STRN: variants seen among roughly 807,000 people sequenced by gnomAD.
STRN encodes protein phosphatase 2 regulatory subunit B'''alpha.
In STRN, 53 loss-of-function variants were observed where a neutral mutation model predicts 96.3. That is an observed-to-expected ratio of 0.55 (90% confidence interval 0.44 to 0.69). The LOEUF is 0.69. Ranked by LOEUF, STRN falls within the 30% of genes least tolerant of loss-of-function variation. STRN has a pLI of 0.00. For synonymous variants in STRN, 428 were observed against 355.9 expected, an observed-to-expected ratio of 1.20 and a Z score of -2.28; for missense variants, 987 against 963.9, an observed-to-expected ratio of 1.02 and a Z score of -0.32.
intron 1 of STRN, among the ~76,000 whole-genome samples, chr2:36,929,387 C>T (rs113476333): frequency 6.6e-6 from 1 of 150,988 alleles, no homozygotes; most frequent in Admixed American, 6.6e-5. Context: ...CCCCCCACCC[C>T]TTTTTTTTTC....
intron 16 of STRN, among the ~76,000 whole-genome samples, chr2:36,850,169 C>G (rs576173337): frequency 6.6e-6 from 1 of 152,162 alleles, no homozygotes; most frequent in East Asian, 1.9e-4. Flanking sequence ...AATTCAAATT[C>G]ACAGAGAGAA....
In STRN at chr2:36,966,418, G is replaced by C; in HGVS notation, c.46C>G (p.Pro16Ala). 6.8e-7 allele frequency: 1 copy of C among 1,463,822 alleles called. No individual in the cohort carries two copies. The highest frequency in any genetic ancestry group is 1.5e-5 in the African/African-American group (1 of 68,060). The allele number at this position is 1,463,822 out of a possible 1,614,324, so 90.7% of individuals were successfully genotyped here. A position where few individuals can be genotyped will look rare whatever the true frequency, so the allele number is the denominator to read the frequency against. ...AGCCCCTTGGCACCGCCGGCGCCCGGGTGGTTGTTGCTGAAGAAGACGCCG... is the reference window on the plus strand; with the variant it reads ...AGCCCCTTGGCACCGCCGGCGCCCGCGTGGTTGTTGCTGAAGAAGACGCCG... ...GPGVFFSNNH[P>A]GAGGAKGLGP... Residue 16 changes from proline to alanine, a missense_variant, in exon 1 of 18, where the codon CCG (proline) becomes GCG (alanine). Physicochemically the swap from Pro to Ala is conservative, Grantham distance 27. Coordinates refer to ENST00000263918, the MANE Select transcript of STRN (RefSeq NM_003162.4).
chr2:36,916,209 C>A, intron 2 of STRN, 58 bp from the exon 3 acceptor site: 1 of 1,394,732 alleles, frequency 7.2e-7, no homozygotes, highest in Non-Finnish European at 1.0e-6. Flanking sequence ...TTAACATACA[C>A]AATAGTAGTA....
At chr2:36,892,343 T>C (rs528104269) in intron 7 of STRN, among the ~76,000 whole-genome samples, 128 of 152,216 alleles carry the variant, frequency 8.4e-4, no homozygotes, top group African/African-American at 3.0e-3. Flanking sequence ...GGTGACAGTA[T>C]CATTTACACC....
At chr2:36,931,012 G>A (rs1670559771) in intron 1 of STRN, among the ~76,000 whole-genome samples, 1 of 151,184 alleles carries the variant, frequency 6.6e-6, no homozygotes, top group Non-Finnish European at 1.5e-5. Flanking sequence ...CAGCCTGAAT[G>A]ACAGAGCAAA....
At position 36,905,634 on chromosome 2, in the gene STRN, T is replaced by G; in HGVS notation, c.413-16A>C. On this transcript the variant is annotated splice_polypyrimidine_tract_variant and intron_variant, in intron 3 of 17. Coordinates refer to ENST00000263918, the MANE Select transcript of STRN (RefSeq NM_003162.4). ...TTACCTTCATCTAGAAAACATTAAG[T>G]CATAATAAAACTGACTTGTTTTACG... 6.2e-7 allele frequency: 1 copy of G among 1,610,866 alleles called. No individual in the cohort carries two copies. The highest frequency in any genetic ancestry group is 8.5e-7 in the Non-Finnish European group (1 of 1,178,498).
rs1553397077 is a variant in STRN, at chr2:36,887,312, A to AATAC, written c.932-490_932-487dup. Reference sequence around the variant, plus strand: ...AAATAAATAAATAAATAAATAAATAAATACAAAATTAGCCGGGCATGGTAC... The same window carrying AATAC: ...AAATAAATAAATAAATAAATAAATAAATACATACAAAATTAGCCGGGCATGGTAC... On this transcript the variant is annotated intron_variant, in intron 7 of 17. Transcript: ENST00000263918. Among the ~76,000 whole-genome samples the AATAC allele has an allele frequency of 6.1e-5, 9 of 148,162 alleles. No homozygotes were observed. The East Asian group carries it at 1.0e-3, about 16-fold the overall frequency.
intron 1 of STRN, among the ~76,000 whole-genome samples, chr2:36,945,474 T>G (rs1397011830): frequency 3.3e-5 from 5 of 152,304 alleles, no homozygotes; most frequent in Non-Finnish European, 4.4e-5. Context: ...GAGACCAGCC[T>G]GGCTAACGTA....
intron 5 of STRN, 149 bp from the exon 6 acceptor site, chr2:36,899,807 T>C (rs2148196278): frequency 2.6e-6 from 2 of 778,484 alleles, no homozygotes; most frequent in South Asian, 4.5e-5. Context: ...AATTACACTC[T>C]CACAAATTTA....
chr2:36,931,984 C>T lies in STRN; in HGVS notation c.235-6776G>A, dbSNP rs529042177. Among the ~76,000 whole-genome samples, 44 of 152,184 alleles carry T rather than the reference C, an allele frequency of 2.9e-4. No individual in the cohort carries two copies. In the South Asian group the frequency reaches 4.1e-3, roughly 14 times the overall value. On this transcript the variant is annotated intron_variant, in intron 1 of 17. Transcript: ENST00000263918. ...TATAGGCGCATACGACCACATGCAG[C>T]TGATTTTAATCTTTTTGGTAGAGAC...
Position 36,902,636 on chromosome 2 carries a change from C to G in STRN, c.607G>C (p.Asp203His). The part of the protein sequence containing the change: ...VTDREDDKNQ[D>H]SVVNGTEAEV... ...GCCTCTGTGCCATTTACAACTGAGT[C>G]CTGATTTTTGTCATCTTCCCTGTCC... Residue 203 changes from aspartate (D) to histidine (H), a missense_variant, in exon 5 of 18, where the codon GAC (aspartate) becomes CAC (histidine). Physicochemically the swap from Asp to His is moderately conservative, Grantham distance 81. Coordinates refer to ENST00000263918, the MANE Select transcript of STRN (RefSeq NM_003162.4). 1 of 1,611,974 alleles carries G rather than the reference C, an allele frequency of 6.2e-7. No homozygotes were observed. Among genetic ancestry groups the G allele is most frequent in the Non-Finnish European group, 8.5e-7 (1 of 1,178,572 alleles).
intron 14 of STRN, 59 bp from the exon 15 acceptor site, chr2:36,855,411 TA>T (rs1668320264): frequency 1.9e-5 from 30 of 1,577,152 alleles, no homozygotes; most frequent in Non-Finnish European, 2.4e-5. Context: ...ACAATCTGCT[TA>T]AAATAGAGCA....
rs1010584276 is a variant in STRN, at chr2:36,849,784, C to T, written c.2103G>A (p.Ser701=). The change falls in exon 17 of 18, where the codon TCG becomes TCA. Residue 701 remains serine (S), a synonymous_variant. Transcript: ENST00000263918. ...YDNNTGKLIH[S]MVAHLEAVTS... is the part of the protein sequence containing the mutation. ...TAACAGCTTCTAGGTGGGCTACCATCGAGTGGATCAGTTTGCCTTTGGAAA... is the reference window on the plus strand; with the variant it reads ...TAACAGCTTCTAGGTGGGCTACCATTGAGTGGATCAGTTTGCCTTTGGAAA... 12 of 1,613,956 alleles carry T rather than the reference C, an allele frequency of 7.4e-6. No homozygotes were observed. The highest frequency in any genetic ancestry group is 3.3e-5 in the Admixed American group (2 of 59,988).
intron 1 of STRN, among the ~76,000 whole-genome samples, chr2:36,946,034 GAA>G (rs1030808310): frequency 6.6e-6 from 1 of 151,454 alleles, no homozygotes; most frequent in Non-Finnish European, 1.5e-5. Flanking sequence ...GCCAATACTA[GAA>G]AAAGACAGGT....
intron 10 of STRN, among the ~76,000 whole-genome samples, chr2:36,874,186 C>G (rs1299116892): frequency 6.6e-6 from 1 of 151,134 alleles, no homozygotes; most frequent in Non-Finnish European, 1.5e-5. Flanking sequence ...AGGGCGTGAA[C>G]TCGGTAGGCG....
At position 36,841,398 on chromosome 2, in the gene STRN, T is replaced by C. The variant is rs1199093684; in HGVS notation, c.*8058A>G. 2 of 152,060 alleles carry C rather than the reference T, an allele frequency of 1.3e-5. No individual in the cohort carries two copies. Among genetic ancestry groups the C allele is most frequent in the East Asian group, 1.9e-4 (1 of 5,194 alleles). 9.4% of individuals were successfully genotyped at this position (152,060 alleles called of 1,614,324 possible). On this transcript the variant is annotated 3_prime_UTR_variant, in exon 18 of 18. Coordinates refer to ENST00000263918, the MANE Select transcript of STRN (RefSeq NM_003162.4). ...TAGCAGTTGAGTACTGGGAAGGTTG[T>C]TGGGGAGGGTATTATTCACAAACAA...
Position 36,838,721 on chromosome 2 carries a change from A to T in STRN, c.*10735T>A, listed in dbSNP as rs1387219053. Among the ~76,000 whole-genome samples, 3 of 152,224 alleles carry T rather than the reference A, an allele frequency of 2.0e-5. No individual in the cohort carries two copies. Among genetic ancestry groups the T allele is most frequent in the Non-Finnish European group, 4.4e-5 (3 of 68,038 alleles). ...TCAATGCAGCAATCCTACTCCAGGG[A>T]ATCTATTCCGCAGACGTAAAACCAT... On this transcript the variant is annotated 3_prime_UTR_variant, in exon 18 of 18. Coordinates refer to ENST00000263918, the MANE Select transcript of STRN (RefSeq NM_003162.4).
chr2:36,898,175 A>G (rs1333172996), intron 6 of STRN, among the ~76,000 whole-genome samples: 2 of 152,228 alleles, frequency 1.3e-5, no homozygotes, highest in East Asian at 1.9e-4. Context: ...ATCATGATTC[A>G]AGGCATTATT....
chr2:36,904,922 T>G (rs1471503136), intron 4 of STRN, among the ~76,000 whole-genome samples: 2 of 152,174 alleles, frequency 1.3e-5, no homozygotes, highest in Admixed American at 1.3e-4. Context: ...CTCCAATTAT[T>G]TAAAAGTTTT....
Sources: gnomAD v4.1 joint callset for allele counts (sites outside exome capture counted in the v4.1 genomes callset) on GRCh38, gnomAD v4.1.1 for gene constraint, MANE v1.5 for transcripts, NCBI Gene and HGNC (gene_info 2026-07-23, HGNC 2026-07-21) for gene names.